Variants in PLEKHA7 observed in about 807,000 individuals in gnomAD.
PLEKHA7 encodes the protein pleckstrin homology domain-containing family A member 7.
PLEKHA7 carries 104 observed loss-of-function variants against 170.0 expected under a neutral mutation model. The observed-to-expected ratio is 0.61, with a 90% CI of 0.52 to 0.72. PLEKHA7 has a LOEUF of 0.72. PLEKHA7 is among the 30% of genes least tolerant of loss of function. The pLI, the probability that PLEKHA7 is intolerant of heterozygous loss-of-function variation, is 0.00. For synonymous variants in PLEKHA7, 648 were observed against 660.8 expected, an observed-to-expected ratio of 0.98 and a Z score of 0.30; for missense variants, 1,615 against 1,671.7, an observed-to-expected ratio of 0.97 and a Z score of 0.59.
At chr11:17,003,973 G>GTAGGGCC (rs1864828291) in intron 3 of PLEKHA7, among the ~76,000 whole-genome samples, 1 of 152,158 alleles carries the variant, frequency 6.6e-6, no homozygotes, top group African/African-American at 2.4e-5. Flanking sequence ...GCCCAGAGAG[G>GTAGGGCC]CTGAAAAGCC....
chr11:16,998,355 A>G (rs1864463754), intron 3 of PLEKHA7, among the ~76,000 whole-genome samples: 2 of 152,158 alleles, frequency 1.3e-5, no homozygotes, highest in Admixed American at 1.3e-4. Flanking sequence ...GGAGGCAATC[A>G]GCACCAACCA....
At chr11:16,800,130 T>A (rs548635146) in intron 17 of PLEKHA7, among the ~76,000 whole-genome samples, 1 of 152,320 alleles carries the variant, frequency 6.6e-6, no homozygotes, top group South Asian at 2.1e-4. Flanking sequence ...GAAGCCTCAA[T>A]TAATGCTTGC....
chr11:16,836,955 C>G (rs1459440833), intron 9 of PLEKHA7, among the ~76,000 whole-genome samples: 4 of 152,060 alleles, frequency 2.6e-5, no homozygotes, highest in Admixed American at 6.5e-5. Context: ...TTCTGAGTAG[C>G]TGGGATTACA....
chr11:16,884,208 C>T (rs2135828026), intron 3 of PLEKHA7, among the ~76,000 whole-genome samples: 1 of 152,308 alleles, frequency 6.6e-6, no homozygotes, highest in African/African-American at 2.4e-5. Flanking sequence ...ATATGCCAAC[C>T]TATCCCAATA....
intron 11 of PLEKHA7, 39 bp downstream of exon 11, chr11:16,816,761 T>G: frequency 2.5e-6 from 4 of 1,598,682 alleles, no homozygotes; most frequent in Non-Finnish European, 3.4e-6. Flanking sequence ...GGCGCCCTCA[T>G]GATGACCCAG....
At chr11:16,802,872 T>C in intron 15 of PLEKHA7, 100 bp downstream of exon 15, 1 of 1,020,194 alleles carries the variant, frequency 9.8e-7, no homozygotes, top group East Asian at 2.4e-5. Context: ...AGCTAACATC[T>C]GCTCTTCAAT....
chr11:16,801,648 GTCTGCCACC>G lies in PLEKHA7; in HGVS notation c.2307+11_2307+19del. The G allele has an allele frequency of 6.2e-7, 1 of 1,613,682 alleles. No individual in the cohort carries two copies. The highest frequency in any genetic ancestry group is 8.5e-7 in the Non-Finnish European group (1 of 1,179,776). On this transcript the variant is annotated intron_variant, in intron 16 of 26. Transcript: ENST00000531066. ...GCTCAGCCCGTCCTGAGGGAGACAG[GTCTGCCACC>G]CTCTACGCACAGTGGACTCTCTGGA...
At chr11:16,813,229 G>A in intron 12 of PLEKHA7, 63 bp from the exon 13 acceptor site, 1 of 1,416,764 alleles carries the variant, frequency 7.1e-7, no homozygotes, top group Non-Finnish European at 1.0e-6. Context: ...ATAACTCGAG[G>A]TTTCACATGT....
chr11:16,964,033 T>C (rs1862223785), intron 3 of PLEKHA7, among the ~76,000 whole-genome samples: 1 of 152,238 alleles, frequency 6.6e-6, no homozygotes. Flanking sequence ...TGTATTTGGC[T>C]ATTCTAGGTA....
intron 3 of PLEKHA7, among the ~76,000 whole-genome samples, chr11:16,920,094 T>C (rs1338594442): frequency 1.3e-5 from 2 of 152,200 alleles, no homozygotes; most frequent in Non-Finnish European, 2.9e-5. Context: ...TTCACAAGGT[T>C]GATGGGGGAT....
chr11:16,864,556 T>C (rs1260972565), intron 4 of PLEKHA7, among the ~76,000 whole-genome samples: 3 of 152,202 alleles, frequency 2.0e-5, no homozygotes, highest in African/African-American at 7.2e-5. Flanking sequence ...CTCCCACATG[T>C]CATGGGAGGG....
chr11:16,813,211 G>C (rs1849504665), intron 12 of PLEKHA7, 45 bp from the exon 13 acceptor site: 6 of 1,534,602 alleles, frequency 3.9e-6, no homozygotes, highest in Non-Finnish European at 4.5e-6. Context: ...TGAACACCAA[G>C]AGTTTCCATA....
intron 3 of PLEKHA7, among the ~76,000 whole-genome samples, chr11:16,961,950 A>G (rs1862088493): frequency 6.6e-6 from 1 of 152,188 alleles, no homozygotes; most frequent in Non-Finnish European, 1.5e-5. Flanking sequence ...TAAGTGCATG[A>G]CGAATATGTC....
chr11:16,833,146 T>G (rs1851250348), intron 9 of PLEKHA7, among the ~76,000 whole-genome samples: 1 of 152,148 alleles, frequency 6.6e-6, no homozygotes, highest in Admixed American at 6.5e-5. Flanking sequence ...GGAGGGAGAA[T>G]AGCCTGCTAC....
intron 3 of PLEKHA7, among the ~76,000 whole-genome samples, chr11:16,929,978 T>C (rs1425477981): frequency 6.6e-6 from 1 of 151,780 alleles, no homozygotes; most frequent in Non-Finnish European, 1.5e-5. Context: ...CACTCCAGCC[T>C]GGCAACAGAG....
intron 3 of PLEKHA7, among the ~76,000 whole-genome samples, chr11:16,905,161 A>G (rs1857574633): frequency 6.6e-6 from 1 of 152,140 alleles, no homozygotes; most frequent in Admixed American, 6.5e-5. Context: ...CTGAGGTGGG[A>G]GGATATCTGG....
At chr11:16,843,963 A>C (rs1228842373) in intron 8 of PLEKHA7, among the ~76,000 whole-genome samples, 2 of 152,062 alleles carry the variant, frequency 1.3e-5, no homozygotes, top group Admixed American at 6.5e-5. Context: ...ACAAAAAAAC[A>C]GGATAAGAAG....
intron 4 of PLEKHA7, among the ~76,000 whole-genome samples, chr11:16,862,041 GC>G (rs1238299268): frequency 3.3e-5 from 5 of 152,002 alleles, no homozygotes; most frequent in African/African-American, 9.7e-5. Context: ...CAGACAGACC[GC>G]CAACGCTCAC....
At position 16,826,833 on chromosome 11, in the gene PLEKHA7, C is replaced by T. The variant is rs562038564; in HGVS notation, c.873-243G>A. On this transcript the variant is annotated intron_variant, in intron 9 of 26. Coordinates refer to ENST00000531066, the MANE Select transcript of PLEKHA7 (RefSeq NM_001329630.2). ...AATTTAGAATAGGATCTTATGCTGACCCCACTGTCACACTAATCGCACTGA... is the reference window on the plus strand; with the variant it reads ...AATTTAGAATAGGATCTTATGCTGATCCCACTGTCACACTAATCGCACTGA... Among the ~76,000 whole-genome samples, 10 of 152,326 alleles carry T rather than the reference C, an allele frequency of 6.6e-5. No homozygotes were observed. The South Asian group carries it at 2.1e-3, about 32-fold the overall frequency.
Sources: gnomAD v4.1 joint callset for allele counts (sites outside exome capture counted in the v4.1 genomes callset) on GRCh38, gnomAD v4.1.1 for gene constraint, MANE v1.5 for transcripts, NCBI Gene and HGNC (gene_info 2026-07-23, HGNC 2026-07-21) for gene names.